FER1L5: variants seen among roughly 807,000 people sequenced by gnomAD.
FER1L5 encodes the protein fer-1 like family member 5.
FER1L5 carries 187 observed loss-of-function variants against 279.9 expected under a neutral mutation model. The observed-to-expected ratio is 0.67, with a 90% confidence interval of 0.59 to 0.75. The LOEUF (loss-of-function observed/expected upper bound fraction) is 0.75. Ranked by LOEUF, FER1L5 falls within the 30% of genes least tolerant of loss-of-function variation. The pLI is 0.00. For synonymous variants in FER1L5, 921 were observed against 989.7 expected, an observed-to-expected ratio of 0.93 and a Z score of 1.30; for missense variants, 2,091 against 2,594.4, an observed-to-expected ratio of 0.81 and a Z score of 4.21.
In FER1L5 at chr2:96,653,924, G is replaced by A. The variant is rs1046997814; in HGVS notation, c.696+222G>A. 172 of 537,588 alleles carry A rather than the reference G, an allele frequency of 3.2e-4. 1 individual carries two copies. Among genetic ancestry groups the A allele is most frequent in the Non-Finnish European group, 4.6e-4 (140 of 304,634 alleles). The allele number at this position is 537,588 out of a possible 1,614,324, so 33.3% of individuals were successfully genotyped here. ...CCAACTGCCAGGCCCTGAACTGGGC[G>A]CCAAGGTGAACAAGGCAGCCCCTTC... is the stretch of plus-strand genomic sequence containing the variant. On this transcript the variant is annotated intron_variant, in intron 8 of 52. Coordinates refer to ENST00000624922, the MANE Select transcript of FER1L5 (RefSeq NM_001293083.2).
rs2075982712 is a variant in FER1L5 at position 96,662,258 on chromosome 2, T to C, written c.1062T>C (p.Ile354=). The C allele has an allele frequency of 1.9e-6, 3 of 1,551,312 alleles. No homozygotes were observed. Among genetic ancestry groups the C allele is most frequent in the African/African-American group, 2.7e-5 (2 of 72,978 alleles). The change falls in exon 13 of 53, where the codon ATT becomes ATC. Residue 354 remains isoleucine, a synonymous_variant. Coordinates refer to ENST00000624922, the MANE Select transcript of FER1L5 (RefSeq NM_001293083.2). The part of the protein sequence containing the change: ...SVNPQLEVEL[I]GEKLRTHMQT... ...ATCCTCAGTTGGAGGTGGAACTAAT[T>C]GGGGAAAAGGTAAGTGTAGAAATAT...
Position 96,667,863 on chromosome 2 carries a change from CT to C in FER1L5, c.1141-880del, listed in dbSNP as rs141187964. Among the ~76,000 whole-genome samples the C allele has an allele frequency of 7.0e-3, 1,064 of 151,940 alleles. 38 individuals are homozygous for C. In the East Asian group the frequency reaches 0.1, roughly 15 times the overall value. ...GCCTGAAGCTTATGCAATTAGGGGA[CT>C]TTTTTTTCTTTTTTGAAACAAGGTC... On this transcript the variant is annotated intron_variant, in intron 14 of 52. Transcript: ENST00000624922.
chr2:96,671,106 CAAAAAAAAA>C (rs750341048), intron 18 of FER1L5, among the ~76,000 whole-genome samples: 4 of 40,222 alleles, frequency 9.9e-5, no homozygotes, highest in East Asian at 8.6e-4. Flanking sequence ...GACTCCATCT[CAAAAAAAAA>C]AAAAAAAAAA....
intron 49 of FER1L5, 31 bp from the exon 50 acceptor site, chr2:96,703,122 C>T: frequency 1.9e-6 from 3 of 1,613,038 alleles, no homozygotes; most frequent in South Asian, 2.2e-5. Flanking sequence ...CAGGGAGCTC[C>T]TTCTTGCTGA....
At chr2:96,646,483 A>C (rs2075134827) in intron 2 of FER1L5, 30 bp downstream of exon 2, 2 of 1,550,434 alleles carry the variant, frequency 1.3e-6, no homozygotes, top group East Asian at 2.4e-5. Context: ...CAGAAGAGGA[A>C]ATAACAACCC....
At chr2:96,657,378 T>G (rs1274844524) in intron 9 of FER1L5, among the ~76,000 whole-genome samples, 1 of 151,458 alleles carries the variant, frequency 6.6e-6, no homozygotes, top group East Asian at 2.0e-4. Context: ...CCTTGCCCTG[T>G]TTTTTTTATG....
intron 18 of FER1L5, 68 bp downstream of exon 18, chr2:96,670,315 C>G: frequency 6.5e-7 from 1 of 1,536,486 alleles, no homozygotes. Flanking sequence ...TACTGTGGAT[C>G]CCAGTTTCTG....
In FER1L5 at chr2:96,704,735, T is replaced by C; in HGVS notation, c.*43T>C. On this transcript the variant is annotated 3_prime_UTR_variant, in exon 53 of 53. Transcript: ENST00000624922. ...GCTTTCCTCCTGCTACCAACAGCCCTCCCCTTGGGCTGGCTACCAGTTCTT... is the reference window on the plus strand; with the variant it reads ...GCTTTCCTCCTGCTACCAACAGCCCCCCCCTTGGGCTGGCTACCAGTTCTT... 1 of 1,482,082 alleles carries C rather than the reference T, an allele frequency of 6.7e-7. No homozygotes were observed. Among genetic ancestry groups the C allele is most frequent in the Non-Finnish European group, 9.4e-7 (1 of 1,062,140 alleles). 91.8% of individuals were successfully genotyped at this position (1,482,082 alleles called of 1,614,324 possible).
Position 96,691,212 on chromosome 2 carries a change from C to A in FER1L5, c.2766C>A (p.Ile922=). The change falls in exon 28 of 53, where the codon ATC becomes ATA. Residue 922 remains isoleucine (I), a synonymous_variant. Coordinates refer to ENST00000624922, the MANE Select transcript of FER1L5 (RefSeq NM_001293083.2). This position sits in a 1 kb window ranked among gnomAD's most constrained non-coding sequence, Gnocchi z 6.0. ...CAGGCTGGGAGTATGGAGTGGGGAT[C>A]CCACCGTCGGGCCTGCCCCAGGTCT... ...DSKGWEYGVG[I]PPSGLPQVWS... The A allele has an allele frequency of 1.3e-6, 2 of 1,549,672 alleles. No individual in the cohort carries two copies. The highest frequency in any genetic ancestry group is 2.4e-5 in the South Asian group (2 of 83,920).
At chr2:96,685,287 T>C in intron 20 of FER1L5, 42 bp from the exon 21 acceptor site, 2 of 1,530,470 alleles carry the variant, frequency 1.3e-6, no homozygotes, top group African/African-American at 2.8e-5. Flanking sequence ...CTGGGCTCCA[T>C]GCTGAGGCGG....
Position 96,698,124 on chromosome 2 carries a change from A to C in FER1L5, c.4324A>C (p.Lys1442Gln). Reference sequence around the variant, plus strand: ...CTTCAAACTCTACCAGGAGCAGCCCAAGTTGGACAGCCCCGTGGTAGGGGA... The same window carrying C: ...CTTCAAACTCTACCAGGAGCAGCCCCAGTTGGACAGCCCCGTGGTAGGGGA... ...QTFKLYQEQP[K>Q]LDSPVVGEFK... Residue 1442 changes from lysine (K) to glutamine (Q), a missense_variant, in exon 40 of 53, where the codon AAG becomes CAG. Coordinates refer to ENST00000624922, the MANE Select transcript of FER1L5 (RefSeq NM_001293083.2). The surrounding 1 kb of genome is among the most constrained non-coding windows in gnomAD (Gnocchi z 5.5). The C allele has an allele frequency of 1.9e-6, 3 of 1,579,894 alleles. No homozygotes were observed. Among genetic ancestry groups the C allele is most frequent in the Non-Finnish European group, 2.6e-6 (3 of 1,163,154 alleles).
rs142806233 is a variant in FER1L5 at position 96,680,739 on chromosome 2, T to C, written c.1670-3588T>C. On this transcript the variant is annotated intron_variant, in intron 19 of 52. Transcript: ENST00000624922. ...AAGTACACAAACCAAAGTGTCAAGC[T>C]CAGTGAATTATCACAAAGCAAACAT... is the stretch of plus-strand genomic sequence containing the variant. Among the ~76,000 whole-genome samples, 833 of 152,340 alleles carry C rather than the reference T, an allele frequency of 5.5e-3. 9 individuals are homozygous for C. Among genetic ancestry groups the C allele is most frequent in the African/African-American group, 0.019 (778 of 41,578 alleles).
At chr2:96,677,655 C>T (rs2076558055) in intron 19 of FER1L5, among the ~76,000 whole-genome samples, 1 of 152,016 alleles carries the variant, frequency 6.6e-6, no homozygotes, top group Non-Finnish European at 1.5e-5. Flanking sequence ...CACCTGAGGT[C>T]GGGAGTTCGA....
rs540725497 is a variant in FER1L5, at chr2:96,650,880, C to T, written c.504+591C>T. ...GCAGTGGCCAAGTCCTAGCTCTTAA[C>T]GTCACCCACTGCTCCCATTTCCCCC... On this transcript the variant is annotated intron_variant, in intron 6 of 52. Transcript: ENST00000624922. Among the ~76,000 whole-genome samples, 5 of 152,350 alleles carry T rather than the reference C, an allele frequency of 3.3e-5. No individual in the cohort carries two copies. The East Asian group carries it at 7.7e-4, about 23-fold the overall frequency.
At position 96,689,438 on chromosome 2, in the gene FER1L5, G is replaced by A. The variant is rs750947542; in HGVS notation, c.2525+62G>A. On this transcript the variant is annotated intron_variant, in intron 25 of 52. Transcript: ENST00000624922. This position sits in a 1 kb window ranked among gnomAD's most constrained non-coding sequence, Gnocchi z 4.6. ...ACTTCACCTGGGAGGGCCAGTCCGC[G>A]GCAGCCCAGAAAGATGGGTACCTAG... is the stretch of plus-strand genomic sequence containing the variant. The A allele has an allele frequency of 1.5e-4, 224 of 1,534,568 alleles. 1 individual carries two copies. The highest frequency in any genetic ancestry group is 1.8e-4 in the Non-Finnish European group (210 of 1,142,184).
In FER1L5 at chr2:96,673,060, G is replaced by A; in HGVS notation, c.1492-17G>A. 1 of 1,549,626 alleles carries A rather than the reference G, an allele frequency of 6.5e-7. No homozygotes were observed. Among genetic ancestry groups the A allele is most frequent in the Non-Finnish European group, 8.7e-7 (1 of 1,146,060 alleles). On this transcript the variant is annotated splice_polypyrimidine_tract_variant and intron_variant, in intron 18 of 52. Transcript: ENST00000624922. The stretch of plus-strand genomic sequence containing the variant: ...TTATGTACTGGGTATGGGGGGTGGG[G>A]GCGGTTATTGTTTCAGAAGCACCAG...
intron 18 of FER1L5, among the ~76,000 whole-genome samples, chr2:96,672,784 G>A (rs957555366): frequency 3.3e-5 from 5 of 152,090 alleles, no homozygotes; most frequent in African/African-American, 1.2e-4. Context: ...TGGGGATGGG[G>A]TGGCCCAACT....
At chr2:96,674,163 CA>C (rs1336168014) in intron 19 of FER1L5, among the ~76,000 whole-genome samples, 1 of 152,196 alleles carries the variant, frequency 6.6e-6, no homozygotes, top group African/African-American at 2.4e-5. Context: ...CATTGGCAGT[CA>C]CCCCCCATTT....
Position 96,689,813 on chromosome 2 carries a change from G to A in FER1L5, c.2640+55G>A. 1 of 1,436,584 alleles carries A rather than the reference G, an allele frequency of 7.0e-7. No individual in the cohort carries two copies. Among genetic ancestry groups the A allele is most frequent in the Non-Finnish European group, 9.3e-7 (1 of 1,070,154 alleles). 89.0% of individuals were successfully genotyped at this position (1,436,584 alleles called of 1,614,324 possible). A position where few individuals can be genotyped will look rare whatever the true frequency, so the allele number is the denominator to read the frequency against. On this transcript the variant is annotated intron_variant, in intron 26 of 52. Transcript: ENST00000624922. The surrounding 1 kb of genome is among the most constrained non-coding windows in gnomAD (Gnocchi z 4.6). ...GGGGGCAAGCAAGGCCACCAGGCGG[G>A]GCGCCTTGGAAGCTGGGGGTCCCAG...
Sources: gnomAD v4.1 joint callset for allele counts (sites outside exome capture counted in the v4.1 genomes callset) on GRCh38, gnomAD v4.1.1 for gene constraint, Gnocchi (gnomAD v3.1) non-coding constraint, MANE v1.5 for transcripts, NCBI Gene and HGNC (gene_info 2026-07-23, HGNC 2026-07-21) for gene names.